Variants in RARB observed in about 807,000 individuals in gnomAD.
The protein encoded by RARB is HBV-activated protein.
In RARB, 17 loss-of-function variants were observed where a neutral mutation model predicts 51.9. That is an observed-to-expected ratio of 0.33 (90% CI 0.22 to 0.49). The LOEUF is 0.49. Among genes scored for constraint, RARB ranks in the 20% least tolerant of loss-of-function variants. The pLI is 0.99. For synonymous variants in RARB, 215 were observed against 195.4 expected, an observed-to-expected ratio of 1.10 and a Z score of -0.84; for missense variants, 369 against 550.8, an observed-to-expected ratio of 0.67 and a Z score of 3.30.
At chr3:25,354,029 A>C (rs55876605) in intron 5 of RARB, among the ~76,000 whole-genome samples, 383 of 115,696 alleles carry the variant, frequency 3.3e-3, no homozygotes, top group Non-Finnish European at 3.8e-3. Context: ...ATTCCTTTCC[A>C]CCCCAAACCC....
chr3:24,966,606 ATCTCTCTCTCTCTCTCTCTC>A (rs55848511), intron 2 of RARB, among the ~76,000 whole-genome samples: 1 of 140,228 alleles, frequency 7.1e-6, no homozygotes, highest in African/African-American at 2.7e-5. Context: ...GTTTACATTC[ATCTCTCTCTCTCTCTCTCTC>A]TCTCTCTCTC....
intron 2 of RARB, among the ~76,000 whole-genome samples, chr3:25,044,476 T>G (rs2125296575): frequency 6.6e-6 from 1 of 152,274 alleles, no homozygotes; most frequent in East Asian, 1.9e-4. Flanking sequence ...TTTATATATA[T>G]TTAGGGCTAA....
chr3:25,425,564 C>A (rs1160144912), upstream of RARB, among the ~76,000 whole-genome samples: 4 of 152,038 alleles, frequency 2.6e-5, no homozygotes, highest in Admixed American at 6.5e-5. Context: ...GATTTAAATA[C>A]TGATTATTCA....
chr3:25,225,761 T>C (rs1460921012), intron 5 of RARB, among the ~76,000 whole-genome samples: 1 of 152,192 alleles, frequency 6.6e-6, no homozygotes, highest in Non-Finnish European at 1.5e-5. Flanking sequence ...AACACCAATA[T>C]TGACAGTAGT....
intron 2 of RARB, among the ~76,000 whole-genome samples, chr3:24,909,947 A>G (rs115832749): frequency 0.023 from 3,508 of 152,150 alleles, 75 homozygotes; most frequent in Middle Eastern, 0.075. Flanking sequence ...ATTTCTATAT[A>G]TTTTTTCCCA....
At chr3:25,124,233 G>C (rs1361437117) in intron 3 of RARB, among the ~76,000 whole-genome samples, 1 of 152,140 alleles carries the variant, frequency 6.6e-6, no homozygotes, top group Non-Finnish European at 1.5e-5. Flanking sequence ...AATTAGCTGG[G>C]TGTCATGGCA....
intron 2 of RARB, among the ~76,000 whole-genome samples, chr3:24,888,312 C>G (rs1703302642): frequency 6.6e-6 from 1 of 152,102 alleles, no homozygotes. Flanking sequence ...TTGTTAAAAC[C>G]TCATAACCCT....
At chr3:25,306,472 T>G (rs998830919) in intron 5 of RARB, among the ~76,000 whole-genome samples, 2 of 151,846 alleles carry the variant, frequency 1.3e-5, no homozygotes, top group African/African-American at 4.8e-5. Flanking sequence ...GCAGCTTGTT[T>G]CATAGAAAAA....
chr3:25,362,155 GGCT>G (rs1415653079), intron 5 of RARB, among the ~76,000 whole-genome samples: 1 of 152,162 alleles, frequency 6.6e-6, no homozygotes, highest in African/African-American at 2.4e-5. Flanking sequence ...CCCTGTCTGG[GGCT>G]GCTGCCTTTC....
intron 2 of RARB, among the ~76,000 whole-genome samples, chr3:25,038,876 T>C (rs1391682489): frequency 6.6e-6 from 1 of 152,230 alleles, no homozygotes; most frequent in Non-Finnish European, 1.5e-5. Flanking sequence ...TCTGTTGTTT[T>C]AAGTAAAAAT....
intron 2 of RARB, among the ~76,000 whole-genome samples, chr3:24,990,775 C>A (rs1375076723): frequency 6.6e-6 from 1 of 152,062 alleles, no homozygotes; most frequent in East Asian, 1.9e-4. Flanking sequence ...TTACCTTTAC[C>A]TTTTAATATA....
At chr3:25,577,581 C>T (rs1204407315) in intron 4 of RARB, among the ~76,000 whole-genome samples, 1 of 152,132 alleles carries the variant, frequency 6.6e-6, no homozygotes, top group Non-Finnish European at 1.5e-5. Flanking sequence ...ATTTACATTT[C>T]CTTCTTAACT....
intron 5 of RARB, among the ~76,000 whole-genome samples, chr3:25,337,214 C>T (rs568839361): frequency 8.5e-5 from 13 of 152,050 alleles, no homozygotes; most frequent in Non-Finnish European, 1.2e-4. Context: ...TTACCAACCC[C>T]CACCCCCACA....
intron 5 of RARB, among the ~76,000 whole-genome samples, chr3:25,267,519 A>G (rs1703155000): frequency 6.6e-6 from 1 of 151,966 alleles, no homozygotes; most frequent in Non-Finnish European, 1.5e-5. Flanking sequence ...TACTTCTTTG[A>G]TCTGTCTTTA....
rs369142676 is a variant in RARB at position 25,098,322 on chromosome 3, CTTAATCATAGCTAG to C, written c.-327-33835_-327-33822del. On this transcript the variant is annotated intron_variant, in intron 3 of 11. Coordinates refer to the RARB transcript ENST00000383772. Reference sequence around the variant, plus strand: ...ACTTGGCTCTCACTGGTCAGCATCCCTTAATCATAGCTAGTTACCCAAATTGTAGCACATAACTT... The same window carrying C: ...ACTTGGCTCTCACTGGTCAGCATCCCTTACCCAAATTGTAGCACATAACTT... Among the ~76,000 whole-genome samples, 575 of 152,280 alleles carry C rather than the reference CTTAATCATAGCTAG, an allele frequency of 3.8e-3. 5 individuals carry two copies. The highest frequency in any genetic ancestry group is 0.013 in the African/African-American group (555 of 41,564).
chr3:24,992,248 T>C (rs1696928554), intron 2 of RARB, among the ~76,000 whole-genome samples: 2 of 152,178 alleles, frequency 1.3e-5, no homozygotes, highest in South Asian at 2.1e-4. Flanking sequence ...TTTTTAAAAA[T>C]ATTTAGGGTA....
In RARB at chr3:25,479,192, G is replaced by A. The variant is rs142535761; in HGVS notation, c.306+17851G>A. Among the ~76,000 whole-genome samples the A allele has an allele frequency of 7.0e-4, 107 of 151,982 alleles. 1 individual carries two copies. The East Asian group carries it at 0.018, about 26-fold the overall frequency. On this transcript the variant is annotated intron_variant, in intron 2 of 7. Coordinates refer to ENST00000330688, the MANE Select transcript of RARB (RefSeq NM_000965.5). ...CCTTTGAACTTGGATGTGAATTTTC[G>A]TGAAGTACAGTGTGTCAAGGGAAGG...
At chr3:25,275,353 C>T (rs1008628700) in intron 5 of RARB, among the ~76,000 whole-genome samples, 10 of 152,054 alleles carry the variant, frequency 6.6e-5, no homozygotes, top group African/African-American at 2.4e-4. Context: ...CCCAGCTACT[C>T]GGGAGGCTGA....
intron 2 of RARB, among the ~76,000 whole-genome samples, chr3:25,484,527 G>C (rs2125585295): frequency 6.6e-6 from 1 of 151,792 alleles, no homozygotes; most frequent in South Asian, 2.1e-4. Context: ...TCTGCTGCCT[G>C]TTTTTGTATG....
Sources: allele counts gnomAD v4.1 joint callset (sites outside exome capture counted in the v4.1 genomes callset), GRCh38; gene constraint gnomAD v4.1.1; transcripts MANE v1.5; gene names NCBI Gene and HGNC (gene_info 2026-07-23, HGNC 2026-07-21).